UBR4: variants seen among roughly 807,000 people sequenced by gnomAD.
UBR4 encodes E3 ubiquitin-protein ligase UBR4.
UBR4 carries 124 observed loss-of-function variants against 575.6 expected under a neutral mutation model. The ratio of observed to expected loss-of-function variants is 0.22; its 90% CI spans 0.19 to 0.25. The LOEUF (loss-of-function observed/expected upper bound fraction) is 0.25, where lower values mean the gene tolerates loss of function less well. UBR4 is among the 10% of genes least tolerant of loss of function. UBR4 has a pLI of 1.00. For missense variants in UBR4, 4,818 were observed against 6,478.8 expected, an observed-to-expected ratio of 0.74 and a Z score of 8.80; for synonymous variants, 2,455 against 2,473.7, an observed-to-expected ratio of 0.99 and a Z score of 0.22.
intron 18 of UBR4, among the ~76,000 whole-genome samples, chr1:19,178,175 T>A (rs1330070900): frequency 6.6e-6 from 1 of 152,224 alleles, no homozygotes; most frequent in Admixed American, 6.5e-5. Context: ...ATTCTAGTTT[T>A]GAGAGTTTAT....
At chr1:19,096,881 C>G (rs1369075395) in intron 91 of UBR4, among the ~76,000 whole-genome samples, 2 of 151,998 alleles carry the variant, frequency 1.3e-5, no homozygotes, top group African/African-American at 2.4e-5. Flanking sequence ...ACTCAAATGT[C>G]AAAGTATGAG....
intron 58 of UBR4, among the ~76,000 whole-genome samples, chr1:19,140,110 AC>A (rs2083688725): frequency 6.6e-6 from 1 of 152,222 alleles, no homozygotes; most frequent in Non-Finnish European, 1.5e-5. Context: ...AAGAAAAAAA[AC>A]AAACACAAGG....
intron 11 of UBR4, among the ~76,000 whole-genome samples, chr1:19,190,816 G>A (rs758266312): frequency 3.9e-5 from 6 of 152,054 alleles, no homozygotes; most frequent in Non-Finnish European, 7.4e-5. Context: ...TGATGCATTC[G>A]CTGCTAACTG....
At chr1:19,173,949 G>T (rs556854846) in intron 22 of UBR4, among the ~76,000 whole-genome samples, 1 of 152,314 alleles carries the variant, frequency 6.6e-6, no homozygotes, top group South Asian at 2.1e-4. Context: ...CCTGCAATCA[G>T]CTATCCGTTT....
chr1:19,184,113 G>A lies in UBR4; in HGVS notation c.2001C>T (p.Asn667=), dbSNP rs2091292102. 6.2e-7 allele frequency: 1 copy of A among 1,614,192 alleles called. No individual in the cohort carries two copies. The highest frequency in any genetic ancestry group is 8.5e-7 in the Non-Finnish European group (1 of 1,180,042). The change falls in exon 16 of 106, where the codon AAC becomes AAT. Residue 667 remains asparagine (N), a synonymous_variant. Coordinates refer to ENST00000375254, the MANE Select transcript of UBR4 (RefSeq NM_020765.3). ...CACTCAGATAGTTTCGGATAAAATT[G>A]TTCCGAGAGTTCAGCATGGAAGAGG... ...FITSSMLNSR[N]NFIRNYLSVS... is the part of the protein sequence containing the mutation.
At chr1:19,134,714 C>T (rs2082992385) in intron 60 of UBR4, among the ~76,000 whole-genome samples, 2 of 151,322 alleles carry the variant, frequency 1.3e-5, no homozygotes, top group South Asian at 4.2e-4. Context: ...TTTCTTTAGA[C>T]CTCCTCTGTG....
intron 60 of UBR4, among the ~76,000 whole-genome samples, chr1:19,132,605 T>TAAAAAAAAAAAAAAAAAAAAATA: frequency 4.1e-5 from 1 of 24,134 alleles, no homozygotes; most frequent in Non-Finnish European, 7.6e-5. Flanking sequence ...TAAAAAATGG[T>TAAAAAAAAAAAAAAAAAAAAATA]AAAAAAAAAA....
chr1:19,107,370 A>G (rs1277972412), intron 81 of UBR4, among the ~76,000 whole-genome samples: 1 of 152,210 alleles, frequency 6.6e-6, no homozygotes, highest in African/African-American at 2.4e-5. Context: ...ATGACACTCC[A>G]GTCCAGCGTG....
rs1365484250 is a variant in UBR4 at position 19,138,106 on chromosome 1, C to A, written c.8807G>T (p.Ser2936Ile). Reference protein sequence around the residue: ...HPAGPGSVSSSTGAISTTTGH... With the variant: ...HPAGPGSVSSITGAISTTTGH... ...AGTGGTGGTGCTGATGGCTCCAGTG[C>A]TTGAGCTGACACTTCCTGGTCCAGC... Residue 2936 changes from serine (S) to isoleucine (I), a missense_variant, in exon 60 of 106, where the codon AGC (serine) becomes ATC (isoleucine). Around this residue, in one of 29 missense-constraint regions of UBR4, gnomAD observed 57 missense variants for 101.5 expected, o/e 0.56. Transcript: ENST00000375254. The A allele has an allele frequency of 6.3e-7, 1 of 1,599,300 alleles. No individual in the cohort carries two copies. Among genetic ancestry groups the A allele is most frequent in the Non-Finnish European group, 8.5e-7 (1 of 1,171,604 alleles).
At chr1:19,087,959 G>T (rs1400151603) in intron 98 of UBR4, 30 bp from the exon 99 acceptor site, 1 of 1,559,676 alleles carries the variant, frequency 6.4e-7, no homozygotes, top group East Asian at 2.3e-5. Context: ...GCATGTCAAG[G>T]GGATTTCCAC....
chr1:19,149,196 G>A (rs1472700931), intron 49 of UBR4, among the ~76,000 whole-genome samples: 4 of 152,128 alleles, frequency 2.6e-5, no homozygotes, highest in African/African-American at 9.7e-5. Context: ...GAAAGGAATA[G>A]GAAACCCAAC....
At position 19,147,019 on chromosome 1, in the gene UBR4, ACAGAGGGTCAGCCATAAG is replaced by A; in HGVS notation, c.7630-37_7630-20del. The A allele has an allele frequency of 6.4e-7, 1 of 1,574,274 alleles. No individual in the cohort carries two copies. The highest frequency in any genetic ancestry group is 1.8e-5 in the Admixed American group (1 of 56,584). Reference sequence around the variant, plus strand: ...CCTGATCCTGTAAAACAACAGGAGCACAGAGGGTCAGCCATAAGCAAGAGCTGGGTACAAAAGCAAAGA... The same window carrying A: ...CCTGATCCTGTAAAACAACAGGAGCACAAGAGCTGGGTACAAAAGCAAAGA... On this transcript the variant is annotated intron_variant, in intron 51 of 105. Coordinates refer to ENST00000375254, the MANE Select transcript of UBR4 (RefSeq NM_020765.3).
chr1:19,107,793 A>T (rs1419759277), intron 81 of UBR4, among the ~76,000 whole-genome samples: 1 of 152,180 alleles, frequency 6.6e-6, no homozygotes, highest in Non-Finnish European at 1.5e-5. Context: ...TCAAAAAAAA[A>T]ATAAAAAATA....
intron 11 of UBR4, among the ~76,000 whole-genome samples, chr1:19,190,106 G>A (rs1430841699): frequency 6.6e-6 from 1 of 150,806 alleles, no homozygotes; most frequent in Non-Finnish European, 1.5e-5. Context: ...AGCCAACATG[G>A]CGAAACCCCA....
chr1:19,141,608 G>A (rs1433990465), intron 56 of UBR4, 39 bp downstream of exon 56: 1 of 1,609,798 alleles, frequency 6.2e-7, no homozygotes, highest in African/African-American at 1.3e-5. Flanking sequence ...GGAGAGTTGT[G>A]AAGCTCCTCC....
chr1:19,135,795 A>G (rs899769072), intron 60 of UBR4, among the ~76,000 whole-genome samples: 1 of 152,206 alleles, frequency 6.6e-6, no homozygotes, highest in African/African-American at 2.4e-5. Context: ...AGAATATCTG[A>G]TAAGATTAAT....
At chr1:19,184,942 T>A (rs1213117621) in intron 15 of UBR4, among the ~76,000 whole-genome samples, 157 bp downstream of exon 15, 1 of 152,238 alleles carries the variant, frequency 6.6e-6, no homozygotes, top group Admixed American at 6.5e-5. Context: ...CGTAAGTTAT[T>A]TAATGACACA....
chr1:19,172,749 TG>T, intron 25 of UBR4, 114 bp downstream of exon 25: 1 of 1,023,166 alleles, frequency 9.8e-7, no homozygotes, highest in African/African-American at 1.6e-5. Flanking sequence ...GCATTATACG[TG>T]GGGAAAAAAA....
chr1:19,198,951 C>G (rs2092609636), intron 3 of UBR4, 23 bp from the exon 4 acceptor site: 1 of 1,605,884 alleles, frequency 6.2e-7, no homozygotes, highest in Non-Finnish European at 8.5e-7. Flanking sequence ...CAAATGCAAA[C>G]AAAAGAAAAC....
Sources: allele counts gnomAD v4.1 joint callset (sites outside exome capture counted in the v4.1 genomes callset), GRCh38; gene constraint gnomAD v4.1.1; regional missense constraint gnomAD v4.1.1; transcripts MANE v1.5; gene names NCBI Gene and HGNC (gene_info 2026-07-23, HGNC 2026-07-21).